Variants in NBPF9 observed in about 807,000 individuals in gnomAD.
NBPF9 encodes the protein NBPF member 9.
NBPF9 carries 91 observed loss-of-function variants against 97.8 expected under a neutral mutation model. That is an observed-to-expected ratio of 0.93 (90% CI 0.79 to 1.11). The LOEUF (loss-of-function observed/expected upper bound fraction) is 1.11, where lower values mean the gene tolerates loss of function less well. Ranked by LOEUF, NBPF9 falls within the 50% of genes least tolerant of loss-of-function variation. The pLI is 0.00. For missense variants in NBPF9, 992 were observed against 939.5 expected, an observed-to-expected ratio of 1.06 and a Z score of -0.73; for synonymous variants, 334 against 359.5, an observed-to-expected ratio of 0.93 and a Z score of 0.80.
At chr1:149,060,039 T>G in intron 24 of NBPF9, 1 of 353,870 alleles carries the variant, frequency 2.8e-6, no homozygotes, top group East Asian at 3.4e-5. Flanking sequence ...TATCCCAATA[T>G]CATTGGTCCC....
intron 5 of NBPF9, among the ~76,000 whole-genome samples, chr1:149,086,524 C>T (rs2081015839): frequency 6.6e-6 from 1 of 150,988 alleles, no homozygotes; most frequent in South Asian, 2.1e-4. Context: ...TAGCAGGAGA[C>T]AAGATAAGGG....
At position 149,060,960 on chromosome 1, in the gene NBPF9, G is replaced by C. The variant is rs1170551639; in HGVS notation, c.2304-265C>G. 23 of 415,866 alleles carry C rather than the reference G, an allele frequency of 5.5e-5. 8 individuals carry two copies. The highest frequency in any genetic ancestry group is 1.9e-4 in the African/African-American group (7 of 36,312). The allele number at this position is 415,866 out of a possible 1,614,324, so 25.8% of individuals were successfully genotyped here. A position where few individuals can be genotyped will look rare whatever the true frequency, so the allele number is the denominator to read the frequency against. On this transcript the variant is annotated intron_variant, in intron 23 of 29. Coordinates refer to ENST00000584027, the Ensembl canonical transcript of NBPF9. ...ACACAGAGAACGAGCTCAGTGAATT[G>C]TCCAGATGACACACTGATGAGGGAG...
At chr1:149,073,262 C>T (rs1179095362) in intron 13 of NBPF9, among the ~76,000 whole-genome samples, 7 of 144,344 alleles carry the variant, frequency 4.8e-5, no homozygotes, top group African/African-American at 1.8e-4. Flanking sequence ...TGTGAAAATA[C>T]ACATAGTGCA....
At chr1:149,082,162 G>A (rs782064743) in exon 7 of NBPF9, 16 of 1,611,982 alleles carry the variant, frequency 9.9e-6, no homozygotes, top group Non-Finnish European at 1.4e-5. Flanking sequence ...GGCAGAAGAG[G>A]TGGGGCCAGG....
exon 30 of NBPF9, chr1:149,055,755 C>A (rs1422819570): frequency 7.4e-6 from 12 of 1,611,662 alleles, no homozygotes; most frequent in Non-Finnish European, 1.0e-5. Context: ...AGCTGATGTG[C>A]TGTTCCTCAA....
intron 1 of NBPF9, among the ~76,000 whole-genome samples, chr1:149,103,064 C>T (rs2082251313): frequency 6.6e-6 from 1 of 152,050 alleles, no homozygotes; most frequent in South Asian, 2.1e-4. Context: ...GAACACCCGC[C>T]AGCGAGTTTC....
intron 12 of NBPF9, 136 bp from the exon 13 acceptor site, chr1:149,074,006 A>G: frequency 1.7e-6 from 1 of 595,660 alleles, no homozygotes; most frequent in Admixed American, 3.0e-5. Context: ...GGATTTCCAC[A>G]TCTTTACTCT....
intron 20 of NBPF9, 113 bp from the exon 21 acceptor site, chr1:149,063,026 A>G: frequency 1.7e-6 from 1 of 574,806 alleles, no homozygotes; most frequent in Non-Finnish European, 3.1e-6. Flanking sequence ...TGAGAATAGG[A>G]CACTGTGAGA....
Position 149,072,619 on chromosome 1 carries a change from A to G in NBPF9, c.1306+99T>C, listed in dbSNP as rs2079506191. ...TCATGGCCACATAAGCTTAGTGGAA[A>G]AAAACACCATTGATACAACTGTCAT... On this transcript the variant is annotated intron_variant, in intron 14 of 29. Coordinates refer to ENST00000584027, the Ensembl canonical transcript of NBPF9. 29 of 1,485,394 alleles carry G rather than the reference A, an allele frequency of 2.0e-5. No individual in the cohort carries two copies. In the South Asian group the frequency reaches 3.2e-4, roughly 16 times the overall value. 92.0% of individuals were successfully genotyped at this position (1,485,394 alleles called of 1,614,324 possible). A position where few individuals can be genotyped will look rare whatever the true frequency, so the allele number is the denominator to read the frequency against.
chr1:149,068,989 C>T (rs1377749054), intron 17 of NBPF9, among the ~76,000 whole-genome samples: 1 of 152,140 alleles, frequency 6.6e-6, no homozygotes, highest in African/African-American at 2.4e-5. Flanking sequence ...CGCACAACTA[C>T]ATGGAAACTG....
At chr1:149,098,538 T>C (rs1400569426) in exon 4 of NBPF9, 10 of 1,495,302 alleles carry the variant, frequency 6.7e-6, no homozygotes, top group African/African-American at 2.8e-5. Flanking sequence ...GAGAGTCCAC[T>C]GGAAGCCCTG....
intron 2 of NBPF9, among the ~76,000 whole-genome samples, chr1:149,102,020 C>CTGGG (rs1408957171): frequency 3.5e-5 from 4 of 113,860 alleles, no homozygotes; most frequent in Non-Finnish European, 7.2e-5. Context: ...TCTCAACCTC[C>CTGGG]TGGGCTCTGG....
At chr1:149,075,428 G>T (rs1365769884) in intron 12 of NBPF9, among the ~76,000 whole-genome samples, 3 of 152,338 alleles carry the variant, frequency 2.0e-5, no homozygotes, top group African/African-American at 7.2e-5. Context: ...TCAATAAATG[G>T]CAGTTTAACT....
intron 4 of NBPF9, among the ~76,000 whole-genome samples, chr1:149,094,144 A>G (rs1307730905): frequency 1.3e-5 from 2 of 152,096 alleles, no homozygotes; most frequent in East Asian, 3.9e-4. Context: ...TCCAAAAGAA[A>G]AGATAAAATA....
Position 149,075,807 on chromosome 1 carries a change from A to T in NBPF9, c.836T>A (p.Leu279Ter). 1.3e-6 allele frequency: 2 copies of T among 1,567,144 alleles called. No homozygotes were observed. The highest frequency in any genetic ancestry group is 1.8e-6 in the Non-Finnish European group (2 of 1,139,622). ...GTTCATCTCTGCCTTCTCGCTGGACAAAGGGCCGGCTGATACCACCATGCT... is the reference window on the plus strand; with the variant it reads ...GTTCATCTCTGCCTTCTCGCTGGACTAAGGGCCGGCTGATACCACCATGCT... Residue 279 changes from leucine to a stop codon, truncating the protein, a stop_gained, in exon 12 of 30, where the codon TTG (leucine) becomes TAG (stop). Coordinates refer to ENST00000584027, the Ensembl canonical transcript of NBPF9. LOFTEE classifies it high-confidence loss of function.
intron 4 of NBPF9, among the ~76,000 whole-genome samples, chr1:149,098,109 G>C (rs1347120927): frequency 6.6e-6 from 1 of 150,866 alleles, no homozygotes; most frequent in Non-Finnish European, 1.5e-5. Flanking sequence ...GTGGAAACAA[G>C]AGATGGAAAT....
intron 15 of NBPF9, 148 bp from the exon 16 acceptor site, chr1:149,071,287 C>T: frequency 7.2e-7 from 1 of 1,388,302 alleles, no homozygotes; most frequent in South Asian, 1.2e-5. Context: ...AACAGGTAAT[C>T]CTCTTCTCTC....
At chr1:149,102,740 C>A (rs868925967) in exon 2 of NBPF9, 2 of 151,684 alleles carry the variant, frequency 1.3e-5, no homozygotes, top group Non-Finnish European at 2.9e-5. Context: ...GGAAATCCTG[C>A]GGTGAATTAG....
chr1:149,076,881 G>A (rs1162490908), intron 11 of NBPF9, among the ~76,000 whole-genome samples: 1 of 151,578 alleles, frequency 6.6e-6, no homozygotes, highest in Non-Finnish European at 1.5e-5. Context: ...AATGAGGGTG[G>A]GAGGATCATC....
Sources: allele counts gnomAD v4.1 joint callset (sites outside exome capture counted in the v4.1 genomes callset), GRCh38; gene constraint gnomAD v4.1.1; transcripts MANE v1.5; gene names NCBI Gene and HGNC (gene_info 2026-07-23, HGNC 2026-07-21).